Variants in FER observed in about 807,000 individuals in gnomAD.
FER encodes the protein FER tyrosine kinase, also known as tyrosine-protein kinase Fer.
Under a neutral mutation model 111.0 loss-of-function variants are expected in FER, and 63 were observed. The ratio of observed to expected loss-of-function variants is 0.57; its 90% CI spans 0.46 to 0.70. FER has a LOEUF of 0.70. FER is among the 30% of genes least tolerant of loss of function. FER has a pLI of 0.00. For synonymous variants in FER, 327 were observed against 313.9 expected (o/e 1.04, Z -0.44); for missense variants, 914 against 954.0 (o/e 0.96, Z 0.55).
intron 10 of FER, among the ~76,000 whole-genome samples, chr5:108,900,707 T>C (rs1326284028): frequency 2.0e-5 from 3 of 152,194 alleles, no homozygotes; most frequent in African/African-American, 7.2e-5. Flanking sequence ...TGAATGCTTC[T>C]GTAGAAGAGT....
chr5:108,749,080 G>A (rs1472999839), intron 1 of FER: 1 of 152,426 alleles, frequency 6.6e-6, no homozygotes, highest in Non-Finnish European at 1.5e-5. Flanking sequence ...GGCAAGCCTA[G>A]AGCGGGGGCA....
At chr5:108,908,720 C>CAA (rs534004723) in intron 10 of FER, among the ~76,000 whole-genome samples, 26 of 69,604 alleles carry the variant, frequency 3.7e-4, no homozygotes, top group African/African-American at 6.0e-4. Context: ...GACTCCGTCT[C>CAA]AAAAAAAAAA....
intron 17 of FER, among the ~76,000 whole-genome samples, chr5:109,159,184 C>T (rs747954156): frequency 4.9e-4 from 75 of 152,244 alleles, no homozygotes; most frequent in Non-Finnish European, 1.0e-3. Flanking sequence ...CAGTAAACTT[C>T]TTGTGCTTTT....
intron 3 of FER, among the ~76,000 whole-genome samples, chr5:108,827,413 T>C (rs1759579418): frequency 6.6e-6 from 1 of 152,170 alleles, no homozygotes; most frequent in African/African-American, 2.4e-5. Context: ...TGGCACTTTA[T>C]GTTTCTCTTC....
intron 10 of FER, among the ~76,000 whole-genome samples, chr5:108,923,548 A>G (rs550700915): frequency 2.2e-4 from 33 of 152,300 alleles, no homozygotes; most frequent in African/African-American, 7.9e-4. Context: ...ATGCCTGAAT[A>G]TGATACCTGG....
chr5:108,806,854 A>G (rs1261278335), intron 3 of FER, among the ~76,000 whole-genome samples: 2 of 152,058 alleles, frequency 1.3e-5, no homozygotes, highest in Non-Finnish European at 2.9e-5. Context: ...GAGACATTGG[A>G]TTGTGGACTT....
chr5:109,006,989 C>T (rs1467130616), intron 13 of FER, among the ~76,000 whole-genome samples: 3 of 152,136 alleles, frequency 2.0e-5, no homozygotes, highest in African/African-American at 7.2e-5. Flanking sequence ...GATTAACATG[C>T]TATGGGACCT....
At chr5:108,941,053 C>T (rs956487096) in intron 10 of FER, among the ~76,000 whole-genome samples, 3 of 152,006 alleles carry the variant, frequency 2.0e-5, no homozygotes, top group Non-Finnish European at 4.4e-5. Flanking sequence ...CTCTCTCCCA[C>T]CCGAGAGGCT....
At chr5:108,979,800 G>T (rs1761817945) in intron 13 of FER, among the ~76,000 whole-genome samples, 1 of 151,962 alleles carries the variant, frequency 6.6e-6, no homozygotes, top group Admixed American at 6.6e-5. Context: ...CTTTTAGTGT[G>T]ACATTGCCTT....
At chr5:109,092,875 G>A (rs1746999500) in intron 16 of FER, among the ~76,000 whole-genome samples, 1 of 152,130 alleles carries the variant, frequency 6.6e-6, no homozygotes, top group Non-Finnish European at 1.5e-5. Context: ...ACGGACAGAT[G>A]AATGGATAAA....
intron 16 of FER, chr5:109,052,045 C>G: frequency 2.5e-6 from 4 of 1,599,400 alleles, no homozygotes; most frequent in Non-Finnish European, 3.4e-6. Flanking sequence ...CTCTTCAATA[C>G]CATACTTGAA....
chr5:108,836,034 T>C, intron 5 of FER: 1 of 226,584 alleles, frequency 4.4e-6, no homozygotes, highest in South Asian at 1.0e-4. Flanking sequence ...AATGGAATTA[T>C]GTAGCATGTG....
intron 13 of FER, among the ~76,000 whole-genome samples, chr5:109,002,477 A>G (rs371408006): frequency 6.6e-6 from 1 of 151,908 alleles, no homozygotes; most frequent in African/African-American, 2.4e-5. Context: ...TTAATTCAAG[A>G]TGGATTAAAG....
At chr5:109,079,642 G>A (rs918947584) in intron 16 of FER, among the ~76,000 whole-genome samples, 13 of 152,136 alleles carry the variant, frequency 8.5e-5, no homozygotes, top group South Asian at 4.1e-4. Context: ...ACATGTCAGT[G>A]TAGATGCCAG....
intron 10 of FER, among the ~76,000 whole-genome samples, chr5:108,915,315 A>T (rs1014897890): frequency 6.6e-6 from 1 of 152,180 alleles, no homozygotes; most frequent in African/African-American, 2.4e-5. Flanking sequence ...TCTACTAAAA[A>T]TACAAAAATT....
chr5:109,057,020 G>A (rs1031555665), intron 16 of FER, among the ~76,000 whole-genome samples: 1 of 152,066 alleles, frequency 6.6e-6, no homozygotes, highest in Non-Finnish European at 1.5e-5. Flanking sequence ...TCAATTTGGG[G>A]AAAATAGACT....
At chr5:108,774,365 CGT>C (rs1313910403) in intron 2 of FER, among the ~76,000 whole-genome samples, 1 of 152,020 alleles carries the variant, frequency 6.6e-6, no homozygotes, top group Non-Finnish European at 1.5e-5. Context: ...AATAAACATA[CGT>C]GTGTGTGTGT....
intron 13 of FER, among the ~76,000 whole-genome samples, chr5:109,031,259 C>A (rs377064633): frequency 6.6e-6 from 1 of 152,054 alleles, no homozygotes; most frequent in East Asian, 1.9e-4. Flanking sequence ...ATTCTGTTCT[C>A]CCATTCCAGG....
chr5:108,783,548 A>G (rs1416961763), intron 2 of FER, among the ~76,000 whole-genome samples: 1 of 152,066 alleles, frequency 6.6e-6, no homozygotes, highest in Admixed American at 6.5e-5. Flanking sequence ...ATTTTGTCTA[A>G]TATGTTAGGA....
Sources: allele counts gnomAD v4.1 joint callset (sites outside exome capture counted in the v4.1 genomes callset), GRCh38; gene constraint gnomAD v4.1.1; transcripts MANE v1.5; gene names NCBI Gene and HGNC (gene_info 2026-07-23, HGNC 2026-07-21).